Variants in GCSH observed in about 807,000 individuals in gnomAD.
The protein encoded by GCSH is glycine cleavage system H protein, mitochondrial.
A neutral mutation model predicts 21.3 loss-of-function variants in GCSH; 15 were observed. The observed-to-expected ratio is 0.70, with a 90% CI of 0.47 to 1.08. The LOEUF is 1.08. GCSH is among the 50% of genes least tolerant of loss of function. The pLI is 0.00. For missense variants in GCSH, 179 were observed against 217.5 expected (o/e 0.82, Z 1.11); for synonymous variants, 59 against 84.5 (o/e 0.70, Z 1.66).
chr16:81,090,634 G>C lies in GCSH; in HGVS notation c.195C>G (p.Gly65=), dbSNP rs765899737. 6.2e-7 allele frequency: 1 copy of C among 1,612,094 alleles called. No individual in the cohort carries two copies. The highest frequency in any genetic ancestry group is 2.2e-5 in the East Asian group (1 of 44,864). The change falls in exon 2 of 5, where the codon GGC becomes GGG. Residue 65 remains glycine (G), a synonymous_variant. Coordinates refer to ENST00000315467, the MANE Select transcript of GCSH (RefSeq NM_004483.5). ...AATTGCTGATTCCCACTGTTCCAAT[G>C]CCATTTTCTGTTGTTACCCATTCGT... ...EKHEWVTTEN[G]IGTVGISNFA... is the part of the protein sequence containing the mutation.
intron 1 of GCSH, among the ~76,000 whole-genome samples, chr16:81,091,497 A>C (rs1479255211): frequency 6.6e-6 from 1 of 152,218 alleles, no homozygotes; most frequent in Non-Finnish European, 1.5e-5. Flanking sequence ...TCAAGAGTAA[A>C]AAGAGTTATT....
chr16:81,094,115 G>C (rs1169212833), intron 1 of GCSH, among the ~76,000 whole-genome samples: 12 of 152,028 alleles, frequency 7.9e-5, no homozygotes, highest in Non-Finnish European at 1.6e-4. Flanking sequence ...GGCCAGGCTG[G>C]TCTTGAACTC....
At chr16:81,090,757 A>G in intron 1 of GCSH, 77 bp from the exon 2 acceptor site, 1 of 1,015,298 alleles carries the variant, frequency 9.8e-7, no homozygotes, top group South Asian at 1.3e-5. Context: ...CATTGCTTTC[A>G]AAAGACTTTC....
In GCSH at chr16:81,095,377, ATTTTT is replaced by A. The variant is rs78295348; in HGVS notation, c.148+749_148+753del. On this transcript the variant is annotated intron_variant, in intron 1 of 4. Transcript: ENST00000315467. ...AAAAAAATCTAGATCTGGCGCTTTA[ATTTTT>A]TTTTTTTTTTTTTTTTTTGAGGTGG... 7.7e-3 allele frequency among the ~76,000 whole-genome samples: 1,130 copies of A among 146,254 alleles called. 18 individuals carry two copies. Among genetic ancestry groups the A allele is most frequent in the African/African-American group, 0.028 (1,069 of 38,140 alleles).
intron 3 of GCSH, 93 bp downstream of exon 3, chr16:81,087,508 A>T: frequency 3.3e-6 from 3 of 897,796 alleles, no homozygotes; most frequent in Non-Finnish European, 5.4e-6. Context: ...AAAAAAAAAA[A>T]GCACTCTAAT....
At chr16:81,089,693 A>C (rs568274758) in intron 2 of GCSH, among the ~76,000 whole-genome samples, 2 of 152,286 alleles carry the variant, frequency 1.3e-5, no homozygotes, top group South Asian at 4.1e-4. Context: ...GCCTCACCCA[A>C]TACATACATC....
chr16:81,093,005 G>A (rs775011194), intron 1 of GCSH, among the ~76,000 whole-genome samples: 6 of 151,690 alleles, frequency 4.0e-5, no homozygotes, highest in African/African-American at 4.8e-5. Context: ...AGTGGTACAC[G>A]CCTATAATCC....
intron 3 of GCSH, among the ~76,000 whole-genome samples, chr16:81,085,328 A>G (rs1369412094): frequency 6.6e-6 from 1 of 152,088 alleles, no homozygotes; most frequent in Non-Finnish European, 1.5e-5. Flanking sequence ...TTCTTTAATT[A>G]AAAATAAAAC....
intron 3 of GCSH, among the ~76,000 whole-genome samples, chr16:81,087,114 G>A (rs1353325505): frequency 2.6e-5 from 4 of 151,926 alleles, no homozygotes; most frequent in African/African-American, 7.3e-5. Context: ...TGCCCAGGCT[G>A]GAGTACAGTG....
chr16:81,082,675 G>T lies in GCSH; in HGVS notation c.*191C>A, dbSNP rs1050350. The T allele has an allele frequency of 1.0e-5, 5 of 487,414 alleles. No homozygotes were observed. The highest frequency in any genetic ancestry group is 2.4e-5 in the African/African-American group (1 of 41,076). 30.2% of individuals were successfully genotyped at this position (487,414 alleles called of 1,614,324 possible). ...AATCATAGGATATTGTGAAAAAGAC[G>T]CATATTATATTTATCTATAATCATT... On this transcript the variant is annotated 3_prime_UTR_variant, in exon 5 of 5. Coordinates refer to ENST00000315467, the MANE Select transcript of GCSH (RefSeq NM_004483.5).
At chr16:81,090,154 A>G (rs1237213936) in intron 2 of GCSH, among the ~76,000 whole-genome samples, 1 of 150,736 alleles carries the variant, frequency 6.6e-6, no homozygotes. Context: ...GTAGTGGTGC[A>G]ATCTCGGCTT....
At chr16:81,090,432 G>C (rs1183210437) in intron 2 of GCSH, among the ~76,000 whole-genome samples, 169 bp downstream of exon 2, 2 of 151,868 alleles carry the variant, frequency 1.3e-5, no homozygotes, top group African/African-American at 4.8e-5. Flanking sequence ...TTGTTGACCA[G>C]GCTGGTCTTG....
At chr16:81,086,846 C>T (rs1223671036) in intron 3 of GCSH, among the ~76,000 whole-genome samples, 4 of 132,444 alleles carry the variant, frequency 3.0e-5, no homozygotes, top group African/African-American at 1.0e-4. Flanking sequence ...GCAAAATAAA[C>T]CTATGGTGTA....
At chr16:81,096,074 C>T in intron 1 of GCSH, 57 bp downstream of exon 1, 1 of 1,220,240 alleles carries the variant, frequency 8.2e-7, no homozygotes, top group Non-Finnish European at 1.0e-6. Flanking sequence ...CCGCTGGGCC[C>T]GGGACAAGCA....
intron 1 of GCSH, among the ~76,000 whole-genome samples, chr16:81,094,137 T>G (rs1209810506): frequency 6.6e-6 from 1 of 152,004 alleles, no homozygotes; most frequent in African/African-American, 2.4e-5. Flanking sequence ...TGACCTCAGG[T>G]GATCCGCCCG....
chr16:81,084,049 T>C, intron 4 of GCSH: 1 of 270,950 alleles, frequency 3.7e-6, no homozygotes, highest in Admixed American at 5.0e-5. Flanking sequence ...CTTGGCTCAC[T>C]ATAGACTGCA....
intron 4 of GCSH, chr16:81,083,514 C>G (rs1270977277): frequency 6.3e-6 from 1 of 159,718 alleles, no homozygotes; most frequent in Non-Finnish European, 1.4e-5. Flanking sequence ...GAGACTCTGT[C>G]TCAAAAAAAT....
At chr16:81,090,487 GT>G in intron 2 of GCSH, 113 bp downstream of exon 2, 3 of 764,776 alleles carry the variant, frequency 3.9e-6, no homozygotes, top group Non-Finnish European at 7.1e-6. Context: ...CTCCCAAAGT[GT>G]TGGGATTACA....
intron 3 of GCSH, 128 bp from the exon 4 acceptor site, chr16:81,084,722 T>A: frequency 1.3e-6 from 1 of 745,814 alleles, no homozygotes; most frequent in Non-Finnish European, 2.2e-6. Flanking sequence ...TTTTTTTTTT[T>A]TTTTTGAGAT....
Sources: gnomAD v4.1 joint callset for allele counts (sites outside exome capture counted in the v4.1 genomes callset) on GRCh38, gnomAD v4.1.1 for gene constraint, MANE v1.5 for transcripts, NCBI Gene and HGNC (gene_info 2026-07-23, HGNC 2026-07-21) for gene names.